Variants in RIMBP2 observed in about 807,000 individuals in gnomAD.
RIMBP2 encodes RIMS-binding protein 2.
A neutral mutation model predicts 118.6 loss-of-function variants in RIMBP2; 48 were observed. The ratio of observed to expected loss-of-function variants is 0.40; its 90% CI spans 0.32 to 0.51. The LOEUF is 0.51. RIMBP2 is among the 20% of genes least tolerant of loss of function. The pLI, the probability that RIMBP2 is intolerant of heterozygous loss-of-function variation, is 0.41. For synonymous variants in RIMBP2, 762 were observed against 742.9 expected (o/e 1.03, Z -0.42); for missense variants, 1,551 against 1,768.3 (o/e 0.88, Z 2.20).
Position 130,434,642 on chromosome 12 carries a change from C to T in RIMBP2, c.2253+92G>A, listed in dbSNP as rs983468503. 20 of 1,360,966 alleles carry T rather than the reference C, an allele frequency of 1.5e-5. No homozygotes were observed. Among genetic ancestry groups the T allele is most frequent in the African/African-American group, 8.9e-5 (6 of 67,758 alleles). The allele number at this position is 1,360,966 out of a possible 1,614,324, so 84.3% of individuals were successfully genotyped here. Reference sequence around the variant, plus strand: ...ATCTCTCTCAGGGACCCAAGGGTAGCGGGGAAAGTGCCCATGTCTCTTGAT... The same window carrying T: ...ATCTCTCTCAGGGACCCAAGGGTAGTGGGGAAAGTGCCCATGTCTCTTGAT... On this transcript the variant is annotated intron_variant, in intron 14 of 22. Transcript: ENST00000690449. The surrounding 1 kb of genome is among the most constrained non-coding windows in gnomAD (Gnocchi z 5.7).
intron 2 of RIMBP2, among the ~76,000 whole-genome samples, chr12:130,519,232 T>C (rs1239896986): frequency 2.6e-5 from 4 of 152,208 alleles, no homozygotes; most frequent in South Asian, 2.1e-4. Context: ...AGAAATCACG[T>C]GGTTTCAACA....
chr12:130,597,044 A>T (rs7968693), intron 2 of RIMBP2, among the ~76,000 whole-genome samples: 2,863 of 152,122 alleles, frequency 0.019, 103 homozygotes, highest in African/African-American at 0.066. Flanking sequence ...TTCTGCACAA[A>T]CTCTTCCAAA....
intron 1 of RIMBP2, among the ~76,000 whole-genome samples, chr12:130,665,494 C>T (rs61581951): frequency 0.089 from 13,450 of 151,154 alleles, 1,180 homozygotes; most frequent in African/African-American, 0.2. Flanking sequence ...CACAGCGAGC[C>T]GAGATCACGC....
At chr12:130,632,508 C>T (rs984910696) in intron 1 of RIMBP2, among the ~76,000 whole-genome samples, 3 of 152,054 alleles carry the variant, frequency 2.0e-5, no homozygotes, top group African/African-American at 4.8e-5. Flanking sequence ...GTAAACCTAC[C>T]GCTTTCTCCC....
chr12:130,712,523 G>T (rs759723741), intron 1 of RIMBP2, among the ~76,000 whole-genome samples: 2 of 152,100 alleles, frequency 1.3e-5, no homozygotes, highest in Non-Finnish European at 2.9e-5. Context: ...CCGCTGGGAG[G>T]TCTCCAGGGG....
chr12:130,645,654 G>A (rs73448961), intron 1 of RIMBP2, among the ~76,000 whole-genome samples: 2,955 of 152,302 alleles, frequency 0.019, 80 homozygotes, highest in African/African-American at 0.067. Flanking sequence ...AGGAGTCGGC[G>A]TTAGCCCAAA....
intron 6 of RIMBP2, among the ~76,000 whole-genome samples, chr12:130,463,915 C>A (rs147334925): frequency 1.3e-5 from 2 of 151,270 alleles, no homozygotes; most frequent in Non-Finnish European, 1.5e-5. Context: ...AGAGAGTGAC[C>A]GCTGGTTGTC....
rs562299720 is a variant in RIMBP2 at position 130,450,050 on chromosome 12, C to A, written c.581+150G>T. ...TGCCACCCAAACTCTCTCCACCGAA[C>A]CCTGCTCAGCCTCCAGGCCAGGCTG... On this transcript the variant is annotated intron_variant, in intron 9 of 22. Coordinates refer to ENST00000690449, the MANE Select transcript of RIMBP2 (RefSeq NM_001393629.1). This position sits in a 1 kb window ranked among gnomAD's most constrained non-coding sequence, Gnocchi z 4.8. 7 of 602,970 alleles carry A rather than the reference C, an allele frequency of 1.2e-5. No individual in the cohort carries two copies. In the East Asian group the frequency reaches 2.1e-4, roughly 18 times the overall value. The allele number at this position is 602,970 out of a possible 1,614,324, so 37.4% of individuals were successfully genotyped here.
chr12:130,510,625 T>C (rs527662256), intron 3 of RIMBP2, among the ~76,000 whole-genome samples: 1 of 152,276 alleles, frequency 6.6e-6, no homozygotes, highest in East Asian at 1.9e-4. Flanking sequence ...CACACCACCA[T>C]GCCTGGCTAA....
chr12:130,534,560 G>A (rs991321178), intron 2 of RIMBP2, among the ~76,000 whole-genome samples: 9 of 152,198 alleles, frequency 5.9e-5, no homozygotes, highest in Non-Finnish European at 1.0e-4. Flanking sequence ...CAAATGTAGC[G>A]GGAAGTGTGA....
At chr12:130,433,784 C>T (rs2077312081) in intron 14 of RIMBP2, among the ~76,000 whole-genome samples, 1 of 152,142 alleles carries the variant, frequency 6.6e-6, no homozygotes, top group Admixed American at 6.6e-5. Flanking sequence ...GAGAGAAAGG[C>T]CAAGAGAATG....
intron 1 of RIMBP2, among the ~76,000 whole-genome samples, chr12:130,665,984 C>G (rs1055033031): frequency 2.0e-5 from 3 of 152,160 alleles, no homozygotes; most frequent in African/African-American, 4.8e-5. Flanking sequence ...CTGTCTCCCT[C>G]TTTTTCTGAA....
intron 1 of RIMBP2, among the ~76,000 whole-genome samples, chr12:130,650,793 T>G (rs1164030731): frequency 6.6e-6 from 1 of 151,662 alleles, no homozygotes; most frequent in Non-Finnish European, 1.5e-5. Context: ...GGGGGAGAGA[T>G]TTTTCCCCTC....
Position 130,688,784 on chromosome 12 carries a change from T to G in RIMBP2, c.-352+27438A>C, listed in dbSNP as rs1324250870. On this transcript the variant is annotated intron_variant, in intron 1 of 22. Coordinates refer to ENST00000690449, the MANE Select transcript of RIMBP2 (RefSeq NM_001393629.1). The surrounding 1 kb of genome is among the most constrained non-coding windows in gnomAD (Gnocchi z 4.7). ...GACACAGAACCACCTCCACCACCAC[T>G]GTCTCCTCCGGCCCCCAATTCCAAC... Among the ~76,000 whole-genome samples the G allele has an allele frequency of 6.6e-6, 1 of 152,220 alleles. No homozygotes were observed. The highest frequency in any genetic ancestry group is 1.5e-5 in the Non-Finnish European group (1 of 68,030).
intron 14 of RIMBP2, chr12:130,432,323 T>C (rs1456165591): frequency 4.4e-6 from 2 of 456,590 alleles, no homozygotes; most frequent in Non-Finnish European, 8.8e-6. Context: ...TCAGTTTCCC[T>C]GTATACATAA....
chr12:130,571,002 A>G (rs1195939994), intron 2 of RIMBP2, among the ~76,000 whole-genome samples: 1 of 152,210 alleles, frequency 6.6e-6, no homozygotes, highest in African/African-American at 2.4e-5. Flanking sequence ...CCCTGCCCTC[A>G]TGGAGCTTAG....
chr12:130,434,780 C>T lies in RIMBP2; in HGVS notation c.2207G>A (p.Gly736Asp). Reference protein sequence around the residue: ...AYDSPDFKRRGASVDDFLKGS... With the variant: ...AYDSPDFKRRDASVDDFLKGS... ...TTTCAGGAAGTCGTCCACCGAGGCG[C>T]CCCTCCTCTTGAAGTCTGGAGAGTC... Residue 736 changes from glycine (G) to aspartate (D), a missense_variant, in exon 14 of 23, where the codon GGC becomes GAC. Around this residue, in one of 5 missense-constraint regions of RIMBP2, gnomAD observed 1,038 missense variants for 1,125.1 expected, o/e 0.92. Coordinates refer to ENST00000690449, the MANE Select transcript of RIMBP2 (RefSeq NM_001393629.1). The surrounding 1 kb of genome is among the most constrained non-coding windows in gnomAD (Gnocchi z 5.7). 1 of 1,613,866 alleles carries T rather than the reference C, an allele frequency of 6.2e-7. No homozygotes were observed. Among genetic ancestry groups the T allele is most frequent in the African/African-American group, 1.3e-5 (1 of 75,058 alleles).
At chr12:130,661,037 G>A (rs1376414214) in intron 1 of RIMBP2, among the ~76,000 whole-genome samples, 1 of 152,194 alleles carries the variant, frequency 6.6e-6, no homozygotes, top group Non-Finnish European at 1.5e-5. Context: ...TGGCCAACAT[G>A]GCAAGACCCT....
intron 1 of RIMBP2, among the ~76,000 whole-genome samples, chr12:130,712,290 A>T (rs569672998): frequency 6.6e-6 from 1 of 152,112 alleles, no homozygotes; most frequent in Admixed American, 6.5e-5. Flanking sequence ...TACCTTTTGG[A>T]CTCTTTTGTA....
Sources: gnomAD v4.1 joint callset for allele counts (sites outside exome capture counted in the v4.1 genomes callset) on GRCh38, gnomAD v4.1.1 for gene constraint, gnomAD v4.1.1 regional missense constraint, Gnocchi (gnomAD v3.1) non-coding constraint, MANE v1.5 for transcripts, NCBI Gene and HGNC (gene_info 2026-07-23, HGNC 2026-07-21) for gene names.